SNX6: variants seen among roughly 807,000 people sequenced by gnomAD.
SNX6 encodes the protein sorting nexin 6, also known as sorting nexin-6.
A neutral mutation model predicts 63.0 loss-of-function variants in SNX6; 34 were observed. The ratio of observed to expected loss-of-function variants is 0.54; its 90% CI spans 0.41 to 0.72. SNX6 has a LOEUF of 0.72. Ranked by LOEUF, SNX6 falls within the 30% of genes least tolerant of loss-of-function variation. SNX6 has a pLI of 0.00. For missense variants in SNX6, 398 were observed against 471.4 expected, an observed-to-expected ratio of 0.84 and a Z score of 1.44; for synonymous variants, 170 against 164.2, an observed-to-expected ratio of 1.04 and a Z score of -0.27.
intron 2 of SNX6, among the ~76,000 whole-genome samples, chr14:34,619,542 G>A (rs1317351775): frequency 1.4e-5 from 2 of 147,998 alleles, no homozygotes; most frequent in Non-Finnish European, 1.5e-5. Context: ...GCACTTATAC[G>A]CAAACACTGT....
intron 8 of SNX6, among the ~76,000 whole-genome samples, chr14:34,591,117 G>A (rs1299857954): frequency 6.6e-6 from 1 of 152,054 alleles, no homozygotes; most frequent in Non-Finnish European, 1.5e-5. Context: ...TGGGGGTGAT[G>A]TGTGTGTTCA....
At chr14:34,595,119 A>G (rs1417374070) in intron 7 of SNX6, among the ~76,000 whole-genome samples, 1 of 152,006 alleles carries the variant, frequency 6.6e-6, no homozygotes, top group Non-Finnish European at 1.5e-5. Flanking sequence ...TAAAAAATAA[A>G]TATTAAAATA....
chr14:34,622,531 C>T (rs1474849790), intron 2 of SNX6, among the ~76,000 whole-genome samples: 4 of 145,442 alleles, frequency 2.8e-5, no homozygotes, highest in Non-Finnish European at 6.0e-5. Flanking sequence ...TGCAGTGAGC[C>T]GAGATCGTGC....
chr14:34,601,267 C>A (rs2138338742), intron 6 of SNX6, among the ~76,000 whole-genome samples: 1 of 150,904 alleles, frequency 6.6e-6, no homozygotes, highest in South Asian at 2.1e-4. Context: ...GCTTTGTCAC[C>A]CAGGCTGGAA....
chr14:34,588,023 T>C (rs2138309882), intron 8 of SNX6, among the ~76,000 whole-genome samples: 1 of 149,818 alleles, frequency 6.7e-6, no homozygotes, highest in African/African-American at 2.5e-5. Flanking sequence ...TTTTTTTCTT[T>C]TTGAGACAGA....
At chr14:34,609,882 A>C (rs941288509) in intron 2 of SNX6, 140 bp from the exon 3 acceptor site, 4 of 582,700 alleles carry the variant, frequency 6.9e-6, no homozygotes, top group Non-Finnish European at 1.2e-5. Flanking sequence ...TTTAACATAC[A>C]TACTATATAC....
intron 8 of SNX6, among the ~76,000 whole-genome samples, chr14:34,586,876 G>GTGGGCACC (rs771701340): frequency 1.1e-4 from 16 of 151,498 alleles, no homozygotes; most frequent in Admixed American, 3.3e-4. Flanking sequence ...GGGCATGGTA[G>GTGGGCACC]TGGGCACCTG....
Position 34,562,759 on chromosome 14 carries a change from A to C in SNX6, c.*363T>G, listed in dbSNP as rs1244138147. 5.1e-6 allele frequency: 1 copy of C among 197,124 alleles called. No individual in the cohort carries two copies. Among genetic ancestry groups the C allele is most frequent in the Non-Finnish European group, 1.0e-5 (1 of 97,882 alleles). 12.2% of individuals were successfully genotyped at this position (197,124 alleles called of 1,614,324 possible). On this transcript the variant is annotated 3_prime_UTR_variant, in exon 14 of 14. Coordinates refer to ENST00000362031, the MANE Select transcript of SNX6 (RefSeq NM_152233.4). Reference sequence around the variant, plus strand: ...TATCTTGTTTCAACAATGCATTCTGAAAAGGTTAAATTTCAGAAATTATTT... The same window carrying C: ...TATCTTGTTTCAACAATGCATTCTGCAAAGGTTAAATTTCAGAAATTATTT...
At chr14:34,624,110 C>T (rs1594753369) in intron 2 of SNX6, among the ~76,000 whole-genome samples, 1 of 151,010 alleles carries the variant, frequency 6.6e-6, no homozygotes, top group Admixed American at 6.6e-5. Flanking sequence ...CAATATTTTC[C>T]TTTTTTTTTG....
chr14:34,609,827 A>G, intron 2 of SNX6, 85 bp from the exon 3 acceptor site: 1 of 853,984 alleles, frequency 1.2e-6, no homozygotes, highest in Non-Finnish European at 1.9e-6. Context: ...AAAACAAAAC[A>G]AAAATAACAA....
chr14:34,609,604 GC>G lies in SNX6; in HGVS notation c.159+33del, dbSNP rs756061297. 7.1e-6 allele frequency: 10 copies of G among 1,404,880 alleles called. No individual in the cohort carries two copies. The African/African-American group carries it at 1.4e-4, about 20-fold the overall frequency. The allele number at this position is 1,404,880 out of a possible 1,614,324, so 87.0% of individuals were successfully genotyped here. ...TATCACATATGTAGTATAATAAATGGCTAAAATAATAGAAAGTACAAAATCA... is the reference window on the plus strand; with the variant it reads ...TATCACATATGTAGTATAATAAATGGTAAAATAATAGAAAGTACAAAATCA... On this transcript the variant is annotated intron_variant, in intron 3 of 13. Coordinates refer to ENST00000362031, the MANE Select transcript of SNX6 (RefSeq NM_152233.4).
chr14:34,596,704 G>C (rs186423300), intron 7 of SNX6, among the ~76,000 whole-genome samples: 2 of 151,100 alleles, frequency 1.3e-5, no homozygotes, highest in African/African-American at 2.4e-5. Flanking sequence ...AAGGACAACA[G>C]AGACAGGTTC....
intron 2 of SNX6, among the ~76,000 whole-genome samples, chr14:34,622,507 C>T (rs561637835): frequency 2.7e-5 from 4 of 148,102 alleles, no homozygotes; most frequent in South Asian, 2.2e-4. Context: ...GGCGTGAATC[C>T]GGGAGGCGGA....
intron 10 of SNX6, among the ~76,000 whole-genome samples, chr14:34,579,950 C>T (rs773805549): frequency 2.0e-5 from 3 of 152,000 alleles, no homozygotes; most frequent in Non-Finnish European, 4.4e-5. Flanking sequence ...TTTGGGAGGC[C>T]GAGGCAGGCA....
chr14:34,606,567 C>T (rs1185823282), intron 4 of SNX6, among the ~76,000 whole-genome samples: 1 of 151,664 alleles, frequency 6.6e-6, no homozygotes, highest in Non-Finnish European at 1.5e-5. Flanking sequence ...ATTCTCCTGC[C>T]TCCGCCTCCC....
chr14:34,569,570 G>A (rs1441001254), intron 11 of SNX6, among the ~76,000 whole-genome samples: 1 of 152,264 alleles, frequency 6.6e-6, no homozygotes, highest in South Asian at 2.1e-4. Context: ...GGGACTACAG[G>A]CGTGTGCCAC....
chr14:34,629,669 G>T, intron 2 of SNX6: 3 of 725,008 alleles, frequency 4.1e-6, no homozygotes, highest in Non-Finnish European at 4.9e-6. Context: ...CCACCAGAAG[G>T]CCCGAACAGC....
At chr14:34,599,696 C>T (rs1022701317) in intron 6 of SNX6, among the ~76,000 whole-genome samples, 1 of 151,004 alleles carries the variant, frequency 6.6e-6, no homozygotes, top group South Asian at 2.1e-4. Flanking sequence ...ATCGCTTGCA[C>T]CTGGGAGGCA....
At chr14:34,573,787 T>C (rs1161288294) in intron 11 of SNX6, among the ~76,000 whole-genome samples, 1 of 151,646 alleles carries the variant, frequency 6.6e-6, no homozygotes, top group African/African-American at 2.4e-5. Flanking sequence ...TGATTACAGG[T>C]GCCTGCTACC....
Sources: allele counts gnomAD v4.1 joint callset (sites outside exome capture counted in the v4.1 genomes callset), GRCh38; gene constraint gnomAD v4.1.1; transcripts MANE v1.5; gene names NCBI Gene and HGNC (gene_info 2026-07-23, HGNC 2026-07-21).